FTCDNL1: variants seen among roughly 807,000 people sequenced by gnomAD.
FTCDNL1 encodes formiminotransferase cyclodeaminase N-terminal like.
FTCDNL1 carries 11 observed loss-of-function variants against 5.9 expected under a neutral mutation model. That is an observed-to-expected ratio of 1.87 (90% CI 1.18 to 3.10). The LOEUF (loss-of-function observed/expected upper bound fraction) is 3.10, where lower values mean the gene tolerates loss of function less well. Ranked by LOEUF, FTCDNL1 falls within the 30% of genes most tolerant of loss-of-function variation. The pLI is 0.00. For synonymous variants in FTCDNL1, 58 were observed against 24.8 expected (o/e 2.34, Z -3.99); for missense variants, 115 against 65.5 (o/e 1.76, Z -2.61).
At chr2:199,777,314 A>G (rs1426374820) in intron 3 of FTCDNL1, among the ~76,000 whole-genome samples, 1 of 151,982 alleles carries the variant, frequency 6.6e-6, no homozygotes, top group East Asian at 1.9e-4. Flanking sequence ...AAAAAGAAAG[A>G]AAGAGAGAAA....
chr2:199,693,696 A>C, the FTCDNL1 span, among the ~76,000 whole-genome samples: 33 of 152,312 alleles, frequency 2.2e-4, 1 homozygote, highest in South Asian at 1.0e-3. Context: ...AAAATGGAGT[A>C]ATTTCTGCCT....
intron 3 of FTCDNL1, among the ~76,000 whole-genome samples, chr2:199,761,052 C>T (rs923945907): frequency 2.0e-5 from 3 of 152,200 alleles, no homozygotes; most frequent in South Asian, 2.1e-4. Flanking sequence ...ACCCAGCCCA[C>T]GCCTCTGTAA....
chr2:199,844,792 ATTT>A (rs890578124), intron 3 of FTCDNL1, among the ~76,000 whole-genome samples: 12 of 151,614 alleles, frequency 7.9e-5, no homozygotes, highest in African/African-American at 1.2e-4. Context: ...ATACTATTTG[ATTT>A]TTTTTTACAA....
chr2:199,676,231 G>A, the FTCDNL1 span, among the ~76,000 whole-genome samples: 1 of 152,174 alleles, frequency 6.6e-6, no homozygotes, highest in African/African-American at 2.4e-5. Flanking sequence ...ACAACCGGAA[G>A]TCTCCATTTC....
chr2:199,841,084 G>A (rs2076573287), intron 3 of FTCDNL1, among the ~76,000 whole-genome samples: 1 of 152,038 alleles, frequency 6.6e-6, no homozygotes, highest in African/African-American at 2.4e-5. Context: ...TAGAGAGGCA[G>A]AGGTTGCAGT....
the FTCDNL1 span, among the ~76,000 whole-genome samples, chr2:199,679,569 T>C: frequency 6.6e-6 from 1 of 152,162 alleles, no homozygotes; most frequent in East Asian, 1.9e-4. Context: ...TGTGTTTTTC[T>C]CTATGATTGG....
Position 199,819,694 on chromosome 2 carries a change from T to A in FTCDNL1, c.275A>T (p.Asp92Val). The A allele has an allele frequency of 1.4e-6, 1 of 702,296 alleles. No individual in the cohort carries two copies. The highest frequency in any genetic ancestry group is 2.6e-6 in the Non-Finnish European group (1 of 384,808). 43.5% of individuals were successfully genotyped at this position (702,296 alleles called of 1,614,324 possible). Residue 92 changes from aspartate (D) to valine (V), a missense_variant, in exon 4 of 5, where the codon GAC becomes GTC. Transcript: ENST00000420128. Reference sequence around the variant, plus strand: ...CACAAGACTGCGCTTCTCAGGCAGGTCAGCTTCGCCAAAGAGAAACACGCT... The same window carrying A: ...CACAAGACTGCGCTTCTCAGGCAGGACAGCTTCGCCAAAGAGAAACACGCT... Reference protein sequence around the residue: ...GCSVFLFGEADLPEKRSLVQR... With the variant: ...GCSVFLFGEAVLPEKRSLVQR...
chr2:199,814,664 T>C (rs1456057490), intron 4 of FTCDNL1, among the ~76,000 whole-genome samples: 2 of 152,176 alleles, frequency 1.3e-5, no homozygotes, highest in Middle Eastern at 3.2e-3. Flanking sequence ...CATGCTCCAA[T>C]TATAGGTTAC....
chr2:199,667,752 GTC>G, the FTCDNL1 span, among the ~76,000 whole-genome samples: 1 of 152,174 alleles, frequency 6.6e-6, no homozygotes, highest in Non-Finnish European at 1.5e-5. Context: ...CAATTAATGT[GTC>G]TGAGTCTAAA....
the FTCDNL1 span, among the ~76,000 whole-genome samples, chr2:199,743,964 G>A: frequency 6.6e-6 from 1 of 152,168 alleles, no homozygotes; most frequent in South Asian, 2.1e-4. Flanking sequence ...TACTGAACAT[G>A]CCTGTTGCCT....
Position 199,816,006 on chromosome 2 carries a change from A to AAAAAG in FTCDNL1, c.398-3283_398-3282insCTTTT, listed in dbSNP as rs1553545025. ...CAGAGCGAGACTCCATCTCAAAAAAAAAAGAAAGAAAGAAAGAAAGAAAGC... is the reference window on the plus strand; with the variant it reads ...CAGAGCGAGACTCCATCTCAAAAAAAAAAAGAAAGAAAGAAAGAAAGAAAGAAAGC... On this transcript the variant is annotated intron_variant, in intron 4 of 4. Transcript: ENST00000420128. Among the ~76,000 whole-genome samples the AAAAAG allele has an allele frequency of 4.7e-5, 7 of 148,894 alleles. No homozygotes were observed. In the East Asian group the frequency reaches 5.9e-4, roughly 13 times the overall value.
the FTCDNL1 span, among the ~76,000 whole-genome samples, chr2:199,666,440 T>TTACGCA: frequency 6.6e-6 from 1 of 152,218 alleles, no homozygotes; most frequent in African/African-American, 2.4e-5. Flanking sequence ...CATGCCCATG[T>TTACGCA]TACGCATACA....
chr2:199,760,247 T>A (rs1574430925), downstream of FTCDNL1, among the ~76,000 whole-genome samples: 2 of 150,504 alleles, frequency 1.3e-5, no homozygotes, highest in Admixed American at 6.6e-5. Context: ...AACCAAACAG[T>A]AAGGCAAAGC....
chr2:199,727,341 CA>C, the FTCDNL1 span, among the ~76,000 whole-genome samples: 1 of 152,310 alleles, frequency 6.6e-6, no homozygotes, highest in African/African-American at 2.4e-5. Context: ...CAGTCTCCAG[CA>C]TATGTGAGAG....
chr2:199,698,708 C>T, the FTCDNL1 span, among the ~76,000 whole-genome samples: 5 of 151,716 alleles, frequency 3.3e-5, no homozygotes, highest in African/African-American at 1.2e-4. Flanking sequence ...AACATCATAC[C>T]CAGAGGAATT....
At position 199,793,515 on chromosome 2, in the gene FTCDNL1, A is replaced by G. The variant is rs1206172968; in HGVS notation, c.212-32680T>C. On this transcript the variant is annotated intron_variant, in intron 3 of 3. Transcript: ENST00000416668. ...TTTTGAAGTTTGGTGCAGTCCGTTT[A>G]TATAGACATTTTTCCCTTATGAATT... Among the ~76,000 whole-genome samples, 4 of 148,248 alleles carry G rather than the reference A, an allele frequency of 2.7e-5. No individual in the cohort carries two copies. In the East Asian group the frequency reaches 8.3e-4, roughly 31 times the overall value.
intron 3 of FTCDNL1, among the ~76,000 whole-genome samples, chr2:199,775,676 C>G (rs753268841): frequency 1.3e-5 from 2 of 152,102 alleles, no homozygotes; most frequent in Non-Finnish European, 2.9e-5. Flanking sequence ...CTCCACTGTT[C>G]CCCCTCTTTC....
At chr2:199,730,321 G>A in the FTCDNL1 span, among the ~76,000 whole-genome samples, 2 of 152,064 alleles carry the variant, frequency 1.3e-5, no homozygotes, top group Admixed American at 6.6e-5. Flanking sequence ...CAACTGCAAC[G>A]AAAGCAAAAA....
the FTCDNL1 span, among the ~76,000 whole-genome samples, chr2:199,682,240 TC>T: frequency 6.6e-6 from 1 of 152,178 alleles, no homozygotes; most frequent in South Asian, 2.1e-4. Flanking sequence ...CAGACTATAC[TC>T]CTTGAGCAGG....
Sources: allele counts gnomAD v4.1 joint callset (sites outside exome capture counted in the v4.1 genomes callset), GRCh38; gene constraint gnomAD v4.1.1; transcripts MANE v1.5; gene names NCBI Gene and HGNC (gene_info 2026-07-23, HGNC 2026-07-21).